Variants in MAML2 observed in about 807,000 individuals in gnomAD.
MAML2 encodes the protein mastermind like transcriptional coactivator 2.
Under a neutral mutation model 96.1 loss-of-function variants are expected in MAML2, and 22 were observed. The ratio of observed to expected loss-of-function variants is 0.23; its 90% CI spans 0.16 to 0.33. The LOEUF (loss-of-function observed/expected upper bound fraction) is 0.33. Among genes scored for constraint, MAML2 ranks in the 10% least tolerant of loss-of-function variants. The pLI, the probability that MAML2 is intolerant of heterozygous loss-of-function variation, is 1.00. For missense variants in MAML2, 1,367 were observed against 1,392.4 expected (o/e 0.98, Z 0.29); for synonymous variants, 561 against 521.3 (o/e 1.08, Z -1.04).
intron 3 of MAML2, among the ~76,000 whole-genome samples, chr11:95,988,321 C>T (rs953077157): frequency 1.3e-5 from 2 of 151,292 alleles, no homozygotes; most frequent in East Asian, 3.9e-4. Context: ...TGCAATGGCA[C>T]GATCTCAGCT....
At chr11:96,086,510 A>G (rs184620195) in intron 2 of MAML2, among the ~76,000 whole-genome samples, 22 of 152,310 alleles carry the variant, frequency 1.4e-4, no homozygotes, top group African/African-American at 5.3e-4. Flanking sequence ...CAAGAAGCCC[A>G]GCAGCAAATC....
intron 2 of MAML2, among the ~76,000 whole-genome samples, chr11:96,006,737 T>C (rs994931779): frequency 4.0e-5 from 6 of 150,870 alleles, no homozygotes; most frequent in Non-Finnish European, 7.4e-5. Flanking sequence ...TTTTTGTATG[T>C]TTAGTAGAGA....
intron 1 of MAML2, among the ~76,000 whole-genome samples, chr11:96,314,349 A>G (rs1164996100): frequency 6.6e-6 from 1 of 152,224 alleles, no homozygotes; most frequent in African/African-American, 2.4e-5. Context: ...TATTTCAAAG[A>G]CAACACCTTT....
chr11:96,282,537 C>G (rs1012141894), intron 1 of MAML2, among the ~76,000 whole-genome samples: 1 of 152,126 alleles, frequency 6.6e-6, no homozygotes, highest in Non-Finnish European at 1.5e-5. Context: ...TTAGTTTTAT[C>G]TTGAAGCTGT....
chr11:96,211,122 G>T (rs1861964983), intron 1 of MAML2, among the ~76,000 whole-genome samples: 1 of 152,100 alleles, frequency 6.6e-6, no homozygotes, highest in African/African-American at 2.4e-5. Context: ...GTGGATTAAA[G>T]TTAAATAAAC....
At chr11:96,132,351 C>G (rs1215523440) in intron 1 of MAML2, among the ~76,000 whole-genome samples, 1 of 152,174 alleles carries the variant, frequency 6.6e-6, no homozygotes, top group Non-Finnish European at 1.5e-5. Flanking sequence ...ACAAGACAGA[C>G]AATAGTTTGC....
intron 2 of MAML2, among the ~76,000 whole-genome samples, chr11:96,017,423 C>T (rs1016972819): frequency 2.1e-5 from 3 of 144,322 alleles, no homozygotes; most frequent in Admixed American, 1.4e-4. Flanking sequence ...TCCTTCCTTC[C>T]ATAAAACAAA....
At chr11:96,332,750 TCAA>T (rs1020216631) in intron 1 of MAML2, among the ~76,000 whole-genome samples, 3 of 152,124 alleles carry the variant, frequency 2.0e-5, no homozygotes, top group Admixed American at 6.5e-5. Flanking sequence ...AACAGAAACA[TCAA>T]CAACAACAAA....
intron 2 of MAML2, among the ~76,000 whole-genome samples, chr11:96,026,422 T>C (rs1858518484): frequency 6.6e-6 from 1 of 152,198 alleles, no homozygotes; most frequent in Non-Finnish European, 1.5e-5. Flanking sequence ...TCTTTGGCCA[T>C]CATTTTAAGT....
chr11:96,167,971 G>A lies in MAML2; in HGVS notation c.514-74454C>T, dbSNP rs1392444058. Among the ~76,000 whole-genome samples, 6 of 152,162 alleles carry A rather than the reference G, an allele frequency of 3.9e-5. No individual in the cohort carries two copies. In the East Asian group the frequency reaches 1.2e-3, roughly 29 times the overall value. ...TATGTCTGAAGTCTGGATTCCTGCTGAGACTGTGAGCTCCTGCGGTTGGGG... is the reference window on the plus strand; with the variant it reads ...TATGTCTGAAGTCTGGATTCCTGCTAAGACTGTGAGCTCCTGCGGTTGGGG... On this transcript the variant is annotated intron_variant, in intron 1 of 4. Coordinates refer to ENST00000524717, the MANE Select transcript of MAML2 (RefSeq NM_032427.4).
At chr11:96,036,051 G>A (rs1858706399) in intron 2 of MAML2, among the ~76,000 whole-genome samples, 1 of 152,150 alleles carries the variant, frequency 6.6e-6, no homozygotes, top group African/African-American at 2.4e-5. Context: ...TAATGCACAA[G>A]TATAGCAATT....
At chr11:96,275,264 A>C (rs111379439) in intron 1 of MAML2, among the ~76,000 whole-genome samples, 1 of 148,546 alleles carries the variant, frequency 6.7e-6, no homozygotes, top group Non-Finnish European at 1.5e-5. Flanking sequence ...TCCAAACACT[A>C]AGGAATTTTT....
intron 1 of MAML2, among the ~76,000 whole-genome samples, chr11:96,183,242 A>C (rs1861516947): frequency 6.6e-6 from 1 of 152,132 alleles, no homozygotes; most frequent in Non-Finnish European, 1.5e-5. Flanking sequence ...TACAGGCACG[A>C]GTCACTGCAC....
intron 1 of MAML2, among the ~76,000 whole-genome samples, chr11:96,286,225 C>T (rs926599513): frequency 1.3e-5 from 2 of 152,186 alleles, no homozygotes; most frequent in Non-Finnish European, 2.9e-5. Context: ...AACGCAGGAA[C>T]AGAAAACCAA....
At chr11:96,063,535 C>T (rs1859199697) in intron 2 of MAML2, among the ~76,000 whole-genome samples, 1 of 152,274 alleles carries the variant, frequency 6.6e-6, no homozygotes, top group East Asian at 1.9e-4. Flanking sequence ...ATGTTAAATA[C>T]TTTATACACA....
At chr11:96,188,514 A>G (rs1272085508) in intron 1 of MAML2, among the ~76,000 whole-genome samples, 2 of 152,246 alleles carry the variant, frequency 1.3e-5, no homozygotes, top group Non-Finnish European at 2.9e-5. Context: ...ACAAGCAAAG[A>G]GAAAGCCTGT....
intron 1 of MAML2, among the ~76,000 whole-genome samples, chr11:96,295,891 C>T (rs548318290): frequency 8.9e-5 from 12 of 134,272 alleles, no homozygotes; most frequent in African/African-American, 3.1e-4. Flanking sequence ...GTAAAACTTT[C>T]TTCCTGTAAC....
intron 1 of MAML2, among the ~76,000 whole-genome samples, chr11:96,330,571 A>C (rs959131708): frequency 1.3e-5 from 2 of 152,258 alleles, no homozygotes; most frequent in Non-Finnish European, 2.9e-5. Context: ...AATATTTCTC[A>C]TAATTCTGTG....
In MAML2 at chr11:96,342,662, T is replaced by C. The variant is rs1864015481; in HGVS notation, c.-767A>G. ...TTTCAACTGTTAACAATGTCAGTAATTGGACTTTTGGACCATGCTTTTTTC... is the reference window on the plus strand; with the variant it reads ...TTTCAACTGTTAACAATGTCAGTAACTGGACTTTTGGACCATGCTTTTTTC... On this transcript the variant is annotated 5_prime_UTR_variant, in exon 1 of 5. Coordinates refer to ENST00000524717, the MANE Select transcript of MAML2 (RefSeq NM_032427.4). 2 of 372,304 alleles carry C rather than the reference T, an allele frequency of 5.4e-6. No homozygotes were observed. Among genetic ancestry groups the C allele is most frequent in the African/African-American group, 4.1e-5 (2 of 48,304 alleles). The allele number at this position is 372,304 out of a possible 1,614,324, so 23.1% of individuals were successfully genotyped here.
Sources: allele counts gnomAD v4.1 joint callset (sites outside exome capture counted in the v4.1 genomes callset), GRCh38; gene constraint gnomAD v4.1.1; transcripts MANE v1.5; gene names NCBI Gene and HGNC (gene_info 2026-07-23, HGNC 2026-07-21).